The following DHRS12 variants were observed in gnomAD, a reference collection of about 807,000 sequenced individuals.
The protein encoded by DHRS12 is dehydrogenase/reductase SDR family member 12.
Under a neutral mutation model 32.1 loss-of-function variants are expected in DHRS12, and 29 were observed. The ratio of observed to expected loss-of-function variants is 0.90; its 90% CI spans 0.67 to 1.23. DHRS12 has a LOEUF of 1.23. Ranked by LOEUF, DHRS12 falls within the 50% of genes most tolerant of loss-of-function variation. The pLI is 0.00. For missense variants in DHRS12, 330 were observed against 337.2 expected (o/e 0.98, Z 0.17); for synonymous variants, 150 against 135.9 (o/e 1.10, Z -0.72).
chr13:51,756,345 A>C, the DHRS12 span: 1 of 1,613,708 alleles, frequency 6.2e-7, no homozygotes, highest in Non-Finnish European at 8.5e-7. Flanking sequence ...CACTGCCGCA[A>C]GTGTGGGAAG....
At chr13:51,755,477 T>G in the DHRS12 span, 1 of 1,604,060 alleles carries the variant, frequency 6.2e-7, no homozygotes, top group South Asian at 1.1e-5. Flanking sequence ...ATATGGATGC[T>G]TCATCAAAAT....
intron 7 of DHRS12, among the ~76,000 whole-genome samples, chr13:51,770,459 G>A (rs2138891799): frequency 6.6e-6 from 1 of 152,310 alleles, no homozygotes; most frequent in South Asian, 2.1e-4. Flanking sequence ...TGGTGTCCTT[G>A]GAGGGTAAGA....
chr13:51,769,369 A>AG, intron 7 of DHRS12, 76 bp from the exon 8 acceptor site: 1 of 1,224,336 alleles, frequency 8.2e-7, no homozygotes, highest in East Asian at 2.8e-5. Context: ...AATTTAAAAA[A>AG]AAAAAAAAGT....
intron 7 of DHRS12, chr13:51,770,702 T>C (rs1280348979): frequency 2.1e-6 from 2 of 970,148 alleles, no homozygotes; most frequent in Non-Finnish European, 2.5e-6. Context: ...CTCCATGAGA[T>C]GCCACAAAGC....
At position 51,793,335 on chromosome 13, in the gene DHRS12, C is replaced by T. The variant is rs541770548; in HGVS notation, c.127-2078G>A. ...GGCAGAGGGCACCTAAGTATTGAAC[C>T]TACAGACGAGGATCTGAGCAAGAGC... On this transcript the variant is annotated intron_variant, in intron 2 of 8. Transcript: ENST00000444610. Among the ~76,000 whole-genome samples the T allele has an allele frequency of 3.3e-5, 5 of 152,302 alleles. No homozygotes were observed. In the East Asian group the frequency reaches 9.7e-4, roughly 29 times the overall value.
At chr13:51,798,820 AGGCTCT>A (rs1485832488) in intron 2 of DHRS12, among the ~76,000 whole-genome samples, 2 of 152,214 alleles carry the variant, frequency 1.3e-5, no homozygotes, top group African/African-American at 4.8e-5. Context: ...TTTCCTGAAG[AGGCTCT>A]GGAGAGATGC....
intron 4 of DHRS12, among the ~76,000 whole-genome samples, chr13:51,777,967 T>A (rs758113085): frequency 6.6e-6 from 1 of 152,248 alleles, no homozygotes; most frequent in Non-Finnish European, 1.5e-5. Context: ...GGGCTTAAAG[T>A]GGCGAGCCCT....
At chr13:51,780,606 A>G (rs1954661351) in intron 4 of DHRS12, among the ~76,000 whole-genome samples, 1 of 152,238 alleles carries the variant, frequency 6.6e-6, no homozygotes, top group Non-Finnish European at 1.5e-5. Flanking sequence ...AGTGGAATTT[A>G]TGTTGGACAT....
intron 1 of DHRS12, among the ~76,000 whole-genome samples, chr13:51,802,730 G>A (rs1955817319): frequency 6.6e-6 from 1 of 152,060 alleles, no homozygotes; most frequent in Non-Finnish European, 1.5e-5. Flanking sequence ...TCAAAACAAG[G>A]TTGTTGTTTT....
At chr13:51,781,442 G>C (rs575024340) in intron 4 of DHRS12, among the ~76,000 whole-genome samples, 9 of 152,116 alleles carry the variant, frequency 5.9e-5, no homozygotes, top group Non-Finnish European at 1.3e-4. Flanking sequence ...GACTGAGGGC[G>C]CCCTGCCCTC....
intron 4 of DHRS12, among the ~76,000 whole-genome samples, chr13:51,783,909 C>T (rs968516301): frequency 7.2e-5 from 11 of 152,186 alleles, no homozygotes; most frequent in African/African-American, 2.7e-4. Context: ...TGGGCTGACT[C>T]CTGTTTGGGG....
chr13:51,804,027 G>T, intron 1 of DHRS12, 27 bp downstream of exon 1: 1 of 1,463,288 alleles, frequency 6.8e-7, no homozygotes, highest in East Asian at 3.0e-5. Flanking sequence ...ACAGCCCGGG[G>T]CCCCGCGCCC....
chr13:51,784,114 A>G (rs1197177706), intron 4 of DHRS12, among the ~76,000 whole-genome samples: 3 of 152,232 alleles, frequency 2.0e-5, no homozygotes, highest in Non-Finnish European at 4.4e-5. Flanking sequence ...GAGTCAGGTA[A>G]CTGGAGGAAC....
downstream of DHRS12, chr13:51,764,647 C>CTGCAGCCA: frequency 6.6e-6 from 1 of 152,382 alleles, no homozygotes; most frequent in South Asian, 2.1e-4. Flanking sequence ...GAGGCTCCTC[C>CTGCAGCCA]TGCAGCCAAT....
intron 2 of DHRS12, among the ~76,000 whole-genome samples, chr13:51,794,781 A>T (rs1955436140): frequency 8.0e-6 from 1 of 124,476 alleles, no homozygotes; most frequent in African/African-American, 2.9e-5. Flanking sequence ...AAAATAATAC[A>T]TAAAATAGAA....
At position 51,804,097 on chromosome 13, in the gene DHRS12, G is replaced by A. The variant is rs1955886023; in HGVS notation, c.-52C>T. 6 of 1,493,484 alleles carry A rather than the reference G, an allele frequency of 4.0e-6. No individual in the cohort carries two copies. Among genetic ancestry groups the A allele is most frequent in the Non-Finnish European group, 5.3e-6 (6 of 1,128,278 alleles). The allele number at this position is 1,493,484 out of a possible 1,614,324, so 92.5% of individuals were successfully genotyped here. A position where few individuals can be genotyped will look rare whatever the true frequency, so the allele number is the denominator to read the frequency against. On this transcript the variant is annotated 5_prime_UTR_variant, in exon 1 of 9. Coordinates refer to ENST00000444610, the MANE Select transcript of DHRS12 (RefSeq NM_001377533.1). Reference sequence around the variant, plus strand: ...CCCTTGGCGAACCACACGACGCTGCGGTACAGGGACATGCCGGGAGCGCCC... The same window carrying A: ...CCCTTGGCGAACCACACGACGCTGCAGTACAGGGACATGCCGGGAGCGCCC...
At chr13:51,801,419 C>T (rs2139450327) in intron 1 of DHRS12, among the ~76,000 whole-genome samples, 1 of 152,278 alleles carries the variant, frequency 6.6e-6, no homozygotes, top group East Asian at 1.9e-4. Flanking sequence ...AACACCTGAC[C>T]TCAGGTGATC....
chr13:51,758,396 C>A, the DHRS12 span: 2 of 841,564 alleles, frequency 2.4e-6, no homozygotes, highest in South Asian at 2.0e-5. Context: ...TAAAGGTTAT[C>A]CTTGGGTAGC....
At chr13:51,796,777 G>A (rs140317344) in intron 2 of DHRS12, among the ~76,000 whole-genome samples, 12 of 152,198 alleles carry the variant, frequency 7.9e-5, no homozygotes, top group East Asian at 5.8e-4. Flanking sequence ...AGATCGCAGC[G>A]GCACTTGCAG....
Sources: gnomAD v4.1 joint callset for allele counts (sites outside exome capture counted in the v4.1 genomes callset) on GRCh38, gnomAD v4.1.1 for gene constraint, MANE v1.5 for transcripts, NCBI Gene and HGNC (gene_info 2026-07-23, HGNC 2026-07-21) for gene names.